The following RASA2 variants were observed in gnomAD, a reference collection of about 807,000 sequenced individuals.
The protein encoded by RASA2 is ras GTPase-activating protein 2.
RASA2 carries 155 observed loss-of-function variants against 118.2 expected under a neutral mutation model. That is an observed-to-expected ratio of 1.31 (90% CI 1.15 to 1.50). RASA2 has a LOEUF of 1.50. Ranked by LOEUF, RASA2 falls within the 40% of genes most tolerant of loss-of-function variation. The probability of loss-of-function intolerance (pLI) is 0.00; values close to 1 mark genes in which losing one functional copy is unlikely to be tolerated. For synonymous variants in RASA2, 353 were observed against 349.1 expected (o/e 1.01, Z -0.12); for missense variants, 1,016 against 1,009.6 (o/e 1.01, Z -0.09).
intron 3 of RASA2, among the ~76,000 whole-genome samples, chr3:141,521,533 A>G (rs1485430266): frequency 6.6e-6 from 1 of 152,172 alleles, no homozygotes; most frequent in Admixed American, 6.5e-5. Context: ...AAAGGCCTTT[A>G]AGGCCTTTTA....
chr3:141,556,018 G>A (rs1304401647), intron 7 of RASA2, 106 bp downstream of exon 7: 13 of 854,686 alleles, frequency 1.5e-5, no homozygotes, highest in Non-Finnish European at 2.0e-5. Context: ...ATCAATTAAT[G>A]CAGATAAGCA....
At chr3:141,487,392 C>G (rs2081590969) in intron 1 of RASA2, among the ~76,000 whole-genome samples, 176 bp downstream of exon 1, 1 of 149,662 alleles carries the variant, frequency 6.7e-6, no homozygotes, top group Non-Finnish European at 1.5e-5. Context: ...GGCGTCGCCT[C>G]GACGGGGCGG....
intron 8 of RASA2, among the ~76,000 whole-genome samples, 174 bp downstream of exon 8, chr3:141,559,136 T>G (rs1248808784): frequency 6.6e-6 from 1 of 152,148 alleles, no homozygotes; most frequent in African/African-American, 2.4e-5. Flanking sequence ...AAGTCTGATT[T>G]GTTTGCAGAA....
chr3:141,548,536 T>C (rs1487977962), intron 5 of RASA2, among the ~76,000 whole-genome samples: 1 of 152,190 alleles, frequency 6.6e-6, no homozygotes, highest in Non-Finnish European at 1.5e-5. Flanking sequence ...AGTGGTAGCT[T>C]TATGGAATTT....
At chr3:141,568,125 A>G (rs1430888077) in intron 9 of RASA2, among the ~76,000 whole-genome samples, 4 of 152,186 alleles carry the variant, frequency 2.6e-5, no homozygotes, top group Non-Finnish European at 5.9e-5. Context: ...AGACAGTACA[A>G]TTATTTTTCA....
intron 2 of RASA2, among the ~76,000 whole-genome samples, chr3:141,513,084 A>C (rs921841684): frequency 2.0e-5 from 3 of 150,888 alleles, no homozygotes; most frequent in African/African-American, 7.3e-5. Flanking sequence ...AAAAAAACAA[A>C]AAAACGAAAA....
In RASA2 at chr3:141,526,960, A is replaced by G. The variant is rs181127009; in HGVS notation, c.356-2748A>G. Among the ~76,000 whole-genome samples the G allele has an allele frequency of 2.0e-3, 299 of 152,294 alleles. 5 individuals carry two copies. The highest frequency in any genetic ancestry group is 7.7e-4 in the East Asian group (4 of 5,190). On this transcript the variant is annotated intron_variant, in intron 3 of 23. Transcript: ENST00000286364. The stretch of plus-strand genomic sequence containing the variant: ...AGAGAGGATTCTCTTTTGGGAAGGC[A>G]CCTGTGACAGATGAGATGTATTTCC...
chr3:141,489,905 CATG>C (rs1056322582), intron 1 of RASA2, among the ~76,000 whole-genome samples: 1 of 150,218 alleles, frequency 6.7e-6, no homozygotes, highest in African/African-American at 2.4e-5. Flanking sequence ...AAAATAACAA[CATG>C]AGACCTCAAT....
chr3:141,533,950 G>T lies in RASA2; in HGVS notation c.450+4148G>T, dbSNP rs142704224. Among the ~76,000 whole-genome samples the T allele has an allele frequency of 9.9e-5, 15 of 152,218 alleles. No individual in the cohort carries two copies. The East Asian group carries it at 2.9e-3, about 29-fold the overall frequency. ...CCTCATCTTACTTGATCTTTGAGCA[G>T]CTTTTGATACTGGTGACCACTCCCT... On this transcript the variant is annotated intron_variant, in intron 4 of 23. Coordinates refer to ENST00000286364, the MANE Select transcript of RASA2 (RefSeq NM_006506.5).
At chr3:141,557,061 C>T (rs923989641) in intron 7 of RASA2, among the ~76,000 whole-genome samples, 2 of 152,198 alleles carry the variant, frequency 1.3e-5, no homozygotes, top group African/African-American at 4.8e-5. Context: ...TCACACTCCC[C>T]ATTAGCCCAC....
intron 1 of RASA2, among the ~76,000 whole-genome samples, chr3:141,503,383 A>G (rs954928328): frequency 6.6e-6 from 1 of 152,224 alleles, no homozygotes; most frequent in African/African-American, 2.4e-5. Context: ...TAAAATTTAT[A>G]TGGTAGGATT....
chr3:141,552,450 C>G (rs1223026720), intron 5 of RASA2, among the ~76,000 whole-genome samples: 1 of 152,188 alleles, frequency 6.6e-6, no homozygotes, highest in East Asian at 1.9e-4. Context: ...AACTTCCTCA[C>G]ATAACCTGTG....
chr3:141,587,743 C>T (rs2083228688), intron 19 of RASA2, among the ~76,000 whole-genome samples: 2 of 150,516 alleles, frequency 1.3e-5, no homozygotes, highest in South Asian at 2.1e-4. Flanking sequence ...AGGAATTATC[C>T]ACAGAAGGCC....
At chr3:141,573,911 A>C (rs199768601) in intron 13 of RASA2, 33 bp from the exon 14 acceptor site, 4 of 1,554,002 alleles carry the variant, frequency 2.6e-6, no homozygotes, top group Non-Finnish European at 3.5e-6. Flanking sequence ...GTGAACATCA[A>C]AATCTTAATG....
intron 19 of RASA2, among the ~76,000 whole-genome samples, chr3:141,589,659 G>A (rs962552752): frequency 2.0e-5 from 3 of 152,074 alleles, no homozygotes; most frequent in South Asian, 2.1e-4. Flanking sequence ...TGGCCAACGC[G>A]GTGAAACCCC....
intron 1 of RASA2, among the ~76,000 whole-genome samples, chr3:141,505,383 AAC>A (rs1342047743): frequency 6.6e-6 from 1 of 152,216 alleles, no homozygotes; most frequent in Non-Finnish European, 1.5e-5. Context: ...GTACAGTAGA[AAC>A]ACATGGGAAA....
intron 3 of RASA2, among the ~76,000 whole-genome samples, chr3:141,524,089 G>A (rs567267657): frequency 4.6e-5 from 7 of 152,288 alleles, no homozygotes; most frequent in African/African-American, 7.2e-5. Flanking sequence ...TACAGCAACC[G>A]TACATTTACT....
At position 141,612,802 on chromosome 3, in the gene RASA2, T is replaced by G. The variant is rs1461460475; in HGVS notation, c.*489T>G. On this transcript the variant is annotated 3_prime_UTR_variant, in exon 24 of 24. Coordinates refer to ENST00000286364, the MANE Select transcript of RASA2 (RefSeq NM_006506.5). The stretch of plus-strand genomic sequence containing the variant: ...TTTAAAAAAGAAAAAAAATAAGAAG[T>G]GTTTTTCCTTTGGTCCATCAGTCAT... 1 of 152,568 alleles carries G rather than the reference T, an allele frequency of 6.6e-6. No individual in the cohort carries two copies. The highest frequency in any genetic ancestry group is 1.5e-5 in the Non-Finnish European group (1 of 68,332). The allele number at this position is 152,568 out of a possible 1,614,324, so 9.5% of individuals were successfully genotyped here. A position where few individuals can be genotyped will look rare whatever the true frequency, so the allele number is the denominator to read the frequency against.
intron 2 of RASA2, among the ~76,000 whole-genome samples, chr3:141,513,724 A>G (rs1187912912): frequency 1.3e-5 from 2 of 152,220 alleles, no homozygotes; most frequent in African/African-American, 4.8e-5. Flanking sequence ...AGCTGAACCA[A>G]CTGTTTTCTA....
Sources: allele counts gnomAD v4.1 joint callset (sites outside exome capture counted in the v4.1 genomes callset), GRCh38; gene constraint gnomAD v4.1.1; transcripts MANE v1.5; gene names NCBI Gene and HGNC (gene_info 2026-07-23, HGNC 2026-07-21).